Variants in FAM171A2 observed in about 807,000 individuals in gnomAD.
The protein encoded by FAM171A2 is protein FAM171A2.
In FAM171A2, 13 loss-of-function variants were observed where a neutral mutation model predicts 34.2. The ratio of observed to expected loss-of-function variants is 0.38; its 90% CI spans 0.25 to 0.60. The LOEUF (loss-of-function observed/expected upper bound fraction) is 0.60, where lower values mean the gene tolerates loss of function less well. FAM171A2 is among the 20% of genes least tolerant of loss of function. The probability of loss-of-function intolerance (pLI) is 0.62; values close to 1 mark genes in which losing one functional copy is unlikely to be tolerated. For missense variants in FAM171A2, 950 were observed against 1,180.7 expected, an observed-to-expected ratio of 0.80 and a Z score of 2.86; for synonymous variants, 475 against 561.2, an observed-to-expected ratio of 0.85 and a Z score of 2.17.
At chr17:44,357,236 G>A (rs1456876232) in intron 3 of FAM171A2, among the ~76,000 whole-genome samples, 5 of 151,632 alleles carry the variant, frequency 3.3e-5, no homozygotes, top group African/African-American at 4.9e-5. Context: ...AATCCCAGCT[G>A]CTCGTGAGGC....
chr17:44,362,505 T>TG (rs1040289388), intron 1 of FAM171A2, among the ~76,000 whole-genome samples: 8 of 152,056 alleles, frequency 5.3e-5, no homozygotes, highest in African/African-American at 1.9e-4. Context: ...CTCCTTAGTG[T>TG]GGGGGGTGAG....
In FAM171A2 at chr17:44,355,761, C is replaced by T; in HGVS notation, c.976G>A (p.Ala326Thr). Residue 326 changes from alanine to threonine, a missense_variant, in exon 7 of 8, where the codon GCC (alanine) becomes ACC (threonine). By Grantham distance (58) the Ala-to-Thr change is moderately conservative. Transcript: ENST00000293443. The surrounding 1 kb of genome is among the most constrained non-coding windows in gnomAD (Gnocchi z 4.1). ...CACAGCAGGATAAGCACCAGCAGGG[C>T]CAGGGCTGCCAGGATGGTGAGCAAG... ...IFLLTILAAL[A>T]LLVLILLCLL... The T allele has an allele frequency of 6.4e-7, 1 of 1,551,886 alleles. No homozygotes were observed. The highest frequency in any genetic ancestry group is 8.7e-7 in the Non-Finnish European group (1 of 1,147,074).
intron 3 of FAM171A2, chr17:44,358,915 G>A (rs1175300079): frequency 6.5e-6 from 1 of 152,838 alleles, no homozygotes; most frequent in East Asian, 1.9e-4. Flanking sequence ...CTGAGTCGAG[G>A]GCTGACTGCT....
Position 44,353,661 on chromosome 17 carries a change from C to A in FAM171A2, c.*72G>T. On this transcript the variant is annotated 3_prime_UTR_variant, in exon 8 of 8. Coordinates refer to ENST00000293443, the MANE Select transcript of FAM171A2 (RefSeq NM_198475.3). ...GCTGGGAGCTACGCGCGAGGGCCCC[C>A]GCGGGCCCCCGGGGCGCGCACCCTG... 1 of 1,149,054 alleles carries A rather than the reference C, an allele frequency of 8.7e-7. No individual in the cohort carries two copies. The highest frequency in any genetic ancestry group is 1.1e-6 in the Non-Finnish European group (1 of 924,774). The allele number at this position is 1,149,054 out of a possible 1,614,324, so 71.2% of individuals were successfully genotyped here. A position where few individuals can be genotyped will look rare whatever the true frequency, so the allele number is the denominator to read the frequency against.
At position 44,355,547 on chromosome 17, in the gene FAM171A2, A is replaced by T. The variant is rs958883810; in HGVS notation, c.1022+168T>A. On this transcript the variant is annotated intron_variant, in intron 7 of 7. Coordinates refer to ENST00000293443, the MANE Select transcript of FAM171A2 (RefSeq NM_198475.3). The surrounding 1 kb of genome is among the most constrained non-coding windows in gnomAD (Gnocchi z 4.1). Reference sequence around the variant, plus strand: ...GTCCTTAAGCCCTGCCTCCCCTCCCACCTCCCCGCTGTCTTCAACCACCAG... The same window carrying T: ...GTCCTTAAGCCCTGCCTCCCCTCCCTCCTCCCCGCTGTCTTCAACCACCAG... 6.6e-6 allele frequency among the ~76,000 whole-genome samples: 1 copy of T among 151,978 alleles called. No homozygotes were observed. Among genetic ancestry groups the T allele is most frequent in the African/African-American group, 2.4e-5 (1 of 41,360 alleles).
chr17:44,361,274 C>T (rs940957070), intron 1 of FAM171A2, among the ~76,000 whole-genome samples: 1 of 152,218 alleles, frequency 6.6e-6, no homozygotes, highest in East Asian at 1.9e-4. Context: ...CACAGCCCCT[C>T]CCTCAAGAAC....
Position 44,354,225 on chromosome 17 carries a change from G to T in FAM171A2, c.1989C>A (p.Asn663Lys). 6.9e-7 allele frequency: 1 copy of T among 1,456,310 alleles called. No homozygotes were observed. Among genetic ancestry groups the T allele is most frequent in the Non-Finnish European group, 9.1e-7 (1 of 1,096,626 alleles). The allele number at this position is 1,456,310 out of a possible 1,614,324, so 90.2% of individuals were successfully genotyped here. Residue 663 changes from asparagine (N) to lysine (K), a missense_variant, in exon 8 of 8, where the codon AAC (asparagine) becomes AAA (lysine). Physicochemically the swap from Asn to Lys is moderately conservative, Grantham distance 94 (BLOSUM62 0). Coordinates refer to ENST00000293443, the MANE Select transcript of FAM171A2 (RefSeq NM_198475.3). This position sits in a 1 kb window ranked among gnomAD's most constrained non-coding sequence, Gnocchi z 5.8. ...AWFVSLDGRS[N>K]SQVRHSYIDL... Reference sequence around the variant, plus strand: ...CGATGTAAGAGTGGCGCACTTGCGAGTTGGAGCGCCCGTCGAGGGACACGA... The same window carrying T: ...CGATGTAAGAGTGGCGCACTTGCGATTTGGAGCGCCCGTCGAGGGACACGA...
At position 44,354,753 on chromosome 17, in the gene FAM171A2, G is replaced by A; in HGVS notation, c.1461C>T (p.His487=). ...PPPPFDHYLG[H]KGAAEGKTPD... ...GGGTCTTGCCCTCGGCCGCCCCCTT[G>A]TGGCCCAGGTAGTGGTCGAAGGGCG... is the stretch of plus-strand genomic sequence containing the variant. The change falls in exon 8 of 8, where the codon CAC becomes CAT. Residue 487 remains histidine, a synonymous_variant. Coordinates refer to ENST00000293443, the MANE Select transcript of FAM171A2 (RefSeq NM_198475.3). The surrounding 1 kb of genome is among the most constrained non-coding windows in gnomAD (Gnocchi z 5.8). 1 of 1,310,898 alleles carries A rather than the reference G, an allele frequency of 7.6e-7. No individual in the cohort carries two copies. Among genetic ancestry groups the A allele is most frequent in the Non-Finnish European group, 9.7e-7 (1 of 1,029,322 alleles). The allele number at this position is 1,310,898 out of a possible 1,614,324, so 81.2% of individuals were successfully genotyped here. A position where few individuals can be genotyped will look rare whatever the true frequency, so the allele number is the denominator to read the frequency against.
Position 44,359,547 on chromosome 17 carries a change from G to A in FAM171A2, c.439+32C>T, listed in dbSNP as rs771547537. The A allele has an allele frequency of 2.0e-6, 3 of 1,533,984 alleles. No individual in the cohort carries two copies. In the South Asian group the frequency reaches 3.6e-5, roughly 18 times the overall value. Reference sequence around the variant, plus strand: ...TCTACACCTAGGTCAGGGGAAGGAAGAAGAGTTGGCGTGGGTGAGGGGGAG... The same window carrying A: ...TCTACACCTAGGTCAGGGGAAGGAAAAAGAGTTGGCGTGGGTGAGGGGGAG... On this transcript the variant is annotated intron_variant, in intron 3 of 7. Transcript: ENST00000293443.
Position 44,353,961 on chromosome 17 carries a change from C to T in FAM171A2, c.2253G>A (p.Pro751=). Residue 751 remains proline (P), a synonymous_variant, in exon 8 of 8, where the codon CCG becomes CCA. Transcript: ENST00000293443. ...CGGGCGCCGCCACCTCGTCCAGCAG[C>T]GGCGTCAGCGAGTTGTCCTCCGGAG... ...LCSPEDNSLT[P]LLDEVAAPEG... The T allele has an allele frequency of 2.3e-6, 3 of 1,292,926 alleles. No individual in the cohort carries two copies. The highest frequency in any genetic ancestry group is 2.9e-6 in the Non-Finnish European group (3 of 1,024,444). The allele number at this position is 1,292,926 out of a possible 1,614,324, so 80.1% of individuals were successfully genotyped here.
chr17:44,355,858 C>G lies in FAM171A2; in HGVS notation c.896-17G>C, dbSNP rs2048420491. 2.6e-6 allele frequency: 4 copies of G among 1,551,562 alleles called. No homozygotes were observed. The highest frequency in any genetic ancestry group is 2.7e-5 in the African/African-American group (2 of 73,168). On this transcript the variant is annotated splice_polypyrimidine_tract_variant and intron_variant, in intron 6 of 7. Coordinates refer to ENST00000293443, the MANE Select transcript of FAM171A2 (RefSeq NM_198475.3). This position sits in a 1 kb window ranked among gnomAD's most constrained non-coding sequence, Gnocchi z 4.1. ...TGACCAGCCCTGTGCCAGGCGAGGG[C>G]TTAGCGTTCAGGTGTAGACACCCTT...
rs1466838038 is a variant in FAM171A2, at chr17:44,354,389, C to A, written c.1825G>T (p.Ala609Ser). The A allele has an allele frequency of 6.3e-6, 8 of 1,271,776 alleles. No homozygotes were observed. Among genetic ancestry groups the A allele is most frequent in the Non-Finnish European group, 8.0e-6 (8 of 996,420 alleles). 78.8% of individuals were successfully genotyped at this position (1,271,776 alleles called of 1,614,324 possible). A position where few individuals can be genotyped will look rare whatever the true frequency, so the allele number is the denominator to read the frequency against. The change falls in exon 8 of 8, where the codon GCG (alanine) becomes TCG (serine). Residue 609 changes from alanine (A) to serine (S), a missense_variant. By Grantham distance (99) the Ala-to-Ser change is moderately conservative. Coordinates refer to ENST00000293443, the MANE Select transcript of FAM171A2 (RefSeq NM_198475.3). The surrounding 1 kb of genome is among the most constrained non-coding windows in gnomAD (Gnocchi z 5.8). ...GTGACTGAGCCACTGACGGGCGCCG[C>A]GCGCCCGGCCCCCCAGCCCTCGCCG... ...GGGEGWGAGRAAPVSGSVTIP... is the reference protein window; with the variant it reads ...GGGEGWGAGRSAPVSGSVTIP...
intron 2 of FAM171A2, 101 bp from the exon 3 acceptor site, chr17:44,359,772 C>T: frequency 7.5e-7 from 1 of 1,331,542 alleles, no homozygotes; most frequent in Non-Finnish European, 1.0e-6. Context: ...CCTCCCTCAG[C>T]CCCCTCTGTG....
chr17:44,360,620 A>T (rs1223064665), intron 1 of FAM171A2, among the ~76,000 whole-genome samples: 2 of 152,128 alleles, frequency 1.3e-5, no homozygotes, highest in African/African-American at 4.8e-5. Flanking sequence ...TAGAAGCGAC[A>T]TTCTTAACCC....
rs1016901078 is a variant in FAM171A2 at position 44,354,438 on chromosome 17, C to A, written c.1776G>T (p.Pro592=). 9.2e-5 allele frequency: 103 copies of A among 1,117,070 alleles called. 1 individual carries two copies. Among genetic ancestry groups the A allele is most frequent in the African/African-American group, 8.9e-4 (53 of 59,524 alleles). The allele number at this position is 1,117,070 out of a possible 1,614,324, so 69.2% of individuals were successfully genotyped here. The change falls in exon 8 of 8, where the codon CCG becomes CCT. Residue 592 remains proline, a synonymous_variant. Coordinates refer to ENST00000293443, the MANE Select transcript of FAM171A2 (RefSeq NM_198475.3). This position sits in a 1 kb window ranked among gnomAD's most constrained non-coding sequence, Gnocchi z 5.8. ...CGCCGCCCCCGCCGCCCTCGCCCCC[C>A]GGGCCCGAGTGGCCCGGCATCTGCG... ...QRPQMPGHSG[P]GGEGGGGGGE...
chr17:44,354,323 T>A lies in FAM171A2; in HGVS notation c.1891A>T (p.Asn631Tyr). The stretch of plus-strand genomic sequence containing the variant: ...TCGGTCAGGGCCTGCAGCTCCCCGT[T>A]GAGCTGCGCCATGGTGGACTCGTTG... ...LFNESTMAQL[N>Y]GELQALTEKK... Residue 631 changes from asparagine to tyrosine, a missense_variant, in exon 8 of 8, where the codon AAC becomes TAC. Transcript: ENST00000293443. This position sits in a 1 kb window ranked among gnomAD's most constrained non-coding sequence, Gnocchi z 5.8. 6.9e-7 allele frequency: 1 copy of A among 1,445,248 alleles called. No homozygotes were observed. The highest frequency in any genetic ancestry group is 9.2e-7 in the Non-Finnish European group (1 of 1,088,288). The allele number at this position is 1,445,248 out of a possible 1,614,324, so 89.5% of individuals were successfully genotyped here.
In FAM171A2 at chr17:44,353,670, C is replaced by T. The variant is rs1289861032; in HGVS notation, c.*63G>A. The T allele has an allele frequency of 4.2e-6, 5 of 1,185,826 alleles. No homozygotes were observed. The East Asian group carries it at 1.5e-4, about 35-fold the overall frequency. 73.5% of individuals were successfully genotyped at this position (1,185,826 alleles called of 1,614,324 possible). On this transcript the variant is annotated 3_prime_UTR_variant, in exon 8 of 8. Transcript: ENST00000293443. ...TACGCGCGAGGGCCCCCGCGGGCCC[C>T]CGGGGCGCGCACCCTGGGTGCGGGC...
At chr17:44,357,618 GC>G (rs1272246850) in intron 3 of FAM171A2, among the ~76,000 whole-genome samples, 3 of 152,072 alleles carry the variant, frequency 2.0e-5, no homozygotes, top group Non-Finnish European at 4.4e-5. Flanking sequence ...TTGTACTCCA[GC>G]CTGGGCAACA....
intron 3 of FAM171A2, among the ~76,000 whole-genome samples, chr17:44,357,971 G>A (rs1430866574): frequency 6.6e-6 from 1 of 152,178 alleles, no homozygotes; most frequent in Non-Finnish European, 1.5e-5. Context: ...ACTTGCACGA[G>A]GTCACAATCC....
Sources: gnomAD v4.1 joint callset for allele counts (sites outside exome capture counted in the v4.1 genomes callset) on GRCh38, gnomAD v4.1.1 for gene constraint, Gnocchi (gnomAD v3.1) non-coding constraint, MANE v1.5 for transcripts, NCBI Gene and HGNC (gene_info 2026-07-23, HGNC 2026-07-21) for gene names.